CDH7: variants seen among roughly 807,000 people sequenced by gnomAD.
CDH7 encodes cadherin 7, also known as cadherin-7.
Under a neutral mutation model 71.8 loss-of-function variants are expected in CDH7, and 25 were observed. The ratio of observed to expected loss-of-function variants is 0.35; its 90% confidence interval spans 0.25 to 0.49. The LOEUF is 0.49. CDH7 is among the 20% of genes least tolerant of loss of function. The pLI, the probability that CDH7 is intolerant of heterozygous loss-of-function variation, is 0.99. For missense variants in CDH7, 862 were observed against 974.6 expected, an observed-to-expected ratio of 0.88 and a Z score of 1.54; for synonymous variants, 381 against 363.8, an observed-to-expected ratio of 1.05 and a Z score of -0.54.
In CDH7 at chr18:65,885,402, G is replaced by A. The variant is rs986860925; in HGVS notation, c.*4508G>A. 1 of 8,820 alleles carries A rather than the reference G, an allele frequency of 1.1e-4. No individual in the cohort carries two copies. Among genetic ancestry groups the A allele is most frequent in the African/African-American group, 1.3e-4 (1 of 7,800 alleles). 0.5% of individuals were successfully genotyped at this position (8,820 alleles called of 1,614,324 possible). A position where few individuals can be genotyped will look rare whatever the true frequency, so the allele number is the denominator to read the frequency against. ...TTTTTTTTTTTTTTTTTTTGACGTG[G>A]AGTCTCGCTCTGTCGCCCAGGCTGG... On this transcript the variant is annotated 3_prime_UTR_variant, in exon 12 of 12. Transcript: ENST00000397968.
intron 6 of CDH7, among the ~76,000 whole-genome samples, chr18:65,837,219 A>G (rs374534996): frequency 6.6e-5 from 10 of 152,228 alleles, no homozygotes; most frequent in East Asian, 3.8e-4. Context: ...TGCACAGGAC[A>G]GTTTAACAGG....
chr18:65,820,419 G>T (rs1911881586), intron 4 of CDH7, among the ~76,000 whole-genome samples: 1 of 152,044 alleles, frequency 6.6e-6, no homozygotes, highest in African/African-American at 2.4e-5. Context: ...CTCTGTGTGT[G>T]TGTATTTATA....
chr18:65,830,549 C>T (rs917525603), intron 6 of CDH7, among the ~76,000 whole-genome samples: 1 of 150,782 alleles, frequency 6.6e-6, no homozygotes, highest in Non-Finnish European at 1.5e-5. Context: ...TCCCTTCCTT[C>T]CTTCTTTCCT....
rs1342686738 is a variant in CDH7, at chr18:65,859,751, A to G, written c.1538A>G (p.Asn513Ser). 2.5e-6 allele frequency: 4 copies of G among 1,612,278 alleles called. No homozygotes were observed. The highest frequency in any genetic ancestry group is 3.4e-6 in the Non-Finnish European group (4 of 1,178,420). Residue 513 changes from asparagine to serine, a missense_variant, in exon 10 of 12, where the codon AAT becomes AGT. Transcript: ENST00000397968. ...GCTGTGGATAAAGATGAGCCATCCAATGGACACCAGTTTTACTTCAGCTTA... is the reference window on the plus strand; with the variant it reads ...GCTGTGGATAAAGATGAGCCATCCAGTGGACACCAGTTTTACTTCAGCTTA... ...ISAVDKDEPSNGHQFYFSLTT... is the reference protein window; with the variant it reads ...ISAVDKDEPSSGHQFYFSLTT...
chr18:65,792,178 A>G (rs965306700), intron 2 of CDH7, among the ~76,000 whole-genome samples: 1 of 141,262 alleles, frequency 7.1e-6, no homozygotes, highest in Non-Finnish European at 1.5e-5. Flanking sequence ...TGTCTGCTGC[A>G]GCCAGTCTTT....
At chr18:65,838,764 T>A (rs1912622536) in intron 6 of CDH7, among the ~76,000 whole-genome samples, 1 of 152,210 alleles carries the variant, frequency 6.6e-6, no homozygotes, top group African/African-American at 2.4e-5. Context: ...TTGAAAAGGC[T>A]ACAAATGGCA....
intron 2 of CDH7, among the ~76,000 whole-genome samples, chr18:65,805,157 A>T (rs1199712184): frequency 1.3e-5 from 2 of 152,242 alleles, no homozygotes; most frequent in African/African-American, 4.8e-5. Context: ...AAAGTTGGAT[A>T]TAAAAATAAC....
intron 2 of CDH7, among the ~76,000 whole-genome samples, chr18:65,787,662 A>G (rs1012082461): frequency 3.3e-5 from 5 of 152,212 alleles, no homozygotes; most frequent in Non-Finnish European, 7.3e-5. Context: ...CTGCAAAGTC[A>G]TAAGGCAGAG....
chr18:65,841,306 C>T (rs976731236), intron 6 of CDH7, among the ~76,000 whole-genome samples: 1 of 152,224 alleles, frequency 6.6e-6, no homozygotes, highest in South Asian at 2.1e-4. Flanking sequence ...AAATTGCATT[C>T]ATTTCTGCAG....
intron 2 of CDH7, among the ~76,000 whole-genome samples, chr18:65,793,100 C>T (rs149152141): frequency 6.6e-6 from 1 of 152,040 alleles, no homozygotes; most frequent in African/African-American, 2.4e-5. Context: ...TTCTCACTCT[C>T]CACCCCATGA....
chr18:65,838,379 A>G (rs1262510409), intron 6 of CDH7, among the ~76,000 whole-genome samples: 1 of 152,246 alleles, frequency 6.6e-6, no homozygotes, highest in Non-Finnish European at 1.5e-5. Flanking sequence ...ATATACTTTC[A>G]TTTGAAAAAC....
In CDH7 at chr18:65,883,162, C is replaced by T. The variant is rs189945009; in HGVS notation, c.*2268C>T. The T allele has an allele frequency of 7.6e-4, 116 of 151,830 alleles. No homozygotes were observed. Among genetic ancestry groups the T allele is most frequent in the African/African-American group, 2.8e-3 (114 of 41,416 alleles). 9.4% of individuals were successfully genotyped at this position (151,830 alleles called of 1,614,324 possible). ...ATAATTTAAAATTATTGCATATACC[C>T]AATTGCTATTTATGTGTGGATGATT... On this transcript the variant is annotated 3_prime_UTR_variant, in exon 12 of 12. Transcript: ENST00000397968.
chr18:65,857,694 A>C, intron 7 of CDH7, 122 bp from the exon 8 acceptor site: 17 of 913,996 alleles, frequency 1.9e-5, no homozygotes, highest in Non-Finnish European at 2.5e-5. Context: ...TATGTGATTA[A>C]TATGACAGAT....
intron 6 of CDH7, among the ~76,000 whole-genome samples, chr18:65,834,115 AATAG>A (rs1469390612): frequency 6.6e-6 from 1 of 152,196 alleles, no homozygotes; most frequent in Non-Finnish European, 1.5e-5. Flanking sequence ...ATATTTAAGA[AATAG>A]ATAGGAGAGA....
intron 2 of CDH7, among the ~76,000 whole-genome samples, chr18:65,769,040 G>A (rs1916466734): frequency 6.6e-6 from 1 of 151,924 alleles, no homozygotes; most frequent in Admixed American, 6.6e-5. Flanking sequence ...TCACAGTCTG[G>A]TTGATAAGCC....
At chr18:65,815,336 A>AT (rs1236487725) in intron 4 of CDH7, among the ~76,000 whole-genome samples, 2 of 151,840 alleles carry the variant, frequency 1.3e-5, no homozygotes, top group Admixed American at 6.6e-5. Flanking sequence ...TGTGTCACTG[A>AT]TTTTTTAAAT....
chr18:65,764,030 T>G (rs1419430743), intron 2 of CDH7, among the ~76,000 whole-genome samples: 1 of 152,134 alleles, frequency 6.6e-6, no homozygotes, highest in Non-Finnish European at 1.5e-5. Flanking sequence ...ATTTTTACAC[T>G]TCACTCTGTC....
chr18:65,806,657 C>A (rs1436702881), intron 2 of CDH7, among the ~76,000 whole-genome samples: 1 of 141,664 alleles, frequency 7.1e-6, no homozygotes, highest in Non-Finnish European at 1.6e-5. Context: ...GGTGTCCATG[C>A]ATGTGTGTGT....
intron 8 of CDH7, among the ~76,000 whole-genome samples, chr18:65,858,231 T>C (rs1035242149): frequency 6.6e-6 from 1 of 152,168 alleles, no homozygotes; most frequent in Non-Finnish European, 1.5e-5. Flanking sequence ...ATATTGTGTT[T>C]ATGCTGTTAT....
Sources: allele counts gnomAD v4.1 joint callset (sites outside exome capture counted in the v4.1 genomes callset), GRCh38; gene constraint gnomAD v4.1.1; transcripts MANE v1.5; gene names NCBI Gene and HGNC (gene_info 2026-07-23, HGNC 2026-07-21).